Variants in TMC5 observed in about 807,000 individuals in gnomAD.
TMC5 encodes the protein transmembrane channel-like protein 5.
TMC5 carries 86 observed loss-of-function variants against 110.5 expected under a neutral mutation model. The ratio of observed to expected loss-of-function variants is 0.78; its 90% confidence interval spans 0.65 to 0.93. TMC5 has a LOEUF of 0.93. Among genes scored for constraint, TMC5 ranks in the 40% least tolerant of loss-of-function variants. The pLI is 0.00. For synonymous variants in TMC5, 455 were observed against 439.5 expected (o/e 1.04, Z -0.44); for missense variants, 1,144 against 1,222.8 (o/e 0.94, Z 0.96).
At chr16:19,443,869 A>G (rs1366668419) in intron 3 of TMC5, among the ~76,000 whole-genome samples, 1 of 151,738 alleles carries the variant, frequency 6.6e-6, no homozygotes, top group African/African-American at 2.4e-5. Context: ...GAATCAATGG[A>G]TGGATGAATG....
chr16:19,440,268 C>T lies in TMC5; in HGVS notation c.230C>T (p.Ser77Phe). The T allele has an allele frequency of 6.2e-7, 1 of 1,614,170 alleles. No individual in the cohort carries two copies. The highest frequency in any genetic ancestry group is 8.5e-7 in the Non-Finnish European group (1 of 1,180,022). ...CTGGCAGAACCAAATTATCCTAGAT[C>T]TCTGAGTAATCCAGACTATTCTGGC... is the stretch of plus-strand genomic sequence containing the variant. Reference protein sequence around the residue: ...GSLAEPNYPRSLSNPDYSGTR... With the variant: ...GSLAEPNYPRFLSNPDYSGTR... The change falls in exon 3 of 22, where the codon TCT becomes TTT. Residue 77 changes from serine (S) to phenylalanine (F), a missense_variant. Transcript: ENST00000542583.
intron 20 of TMC5, among the ~76,000 whole-genome samples, chr16:19,495,653 A>C (rs1969033513): frequency 6.6e-6 from 1 of 152,014 alleles, no homozygotes; most frequent in Non-Finnish European, 1.5e-5. Context: ...GGAGTTTAAG[A>C]CCAACATAGC....
chr16:19,446,997 C>T (rs8058400), intron 4 of TMC5, among the ~76,000 whole-genome samples: 122,184 of 151,944 alleles, frequency 0.8, 49,342 homozygotes, highest in South Asian at 0.91. Context: ...CAGTAGGTGC[C>T]TGAAAAATAT....
At chr16:19,439,739 G>A (rs1178152000) in intron 2 of TMC5, among the ~76,000 whole-genome samples, 2 of 152,286 alleles carry the variant, frequency 1.3e-5, no homozygotes, top group East Asian at 3.9e-4. Flanking sequence ...TCCTCTAACA[G>A]CACAGCTGGG....
chr16:19,462,406 T>C (rs530595188), intron 6 of TMC5: 15 of 614,254 alleles, frequency 2.4e-5, no homozygotes, highest in African/African-American at 2.0e-4. Flanking sequence ...AGGTTGAGAA[T>C]GTGTATTAGT....
intron 6 of TMC5, among the ~76,000 whole-genome samples, chr16:19,462,185 C>A (rs1033870939): frequency 5.9e-5 from 9 of 152,148 alleles, no homozygotes; most frequent in African/African-American, 1.9e-4. Context: ...GCTCCAAAGA[C>A]CTTATAGCAA....
chr16:19,419,188 C>T (rs1966922616), intron 1 of TMC5, among the ~76,000 whole-genome samples: 1 of 152,086 alleles, frequency 6.6e-6, no homozygotes, highest in Non-Finnish European at 1.5e-5. Flanking sequence ...ATAATAATAC[C>T]TCCCCATAAA....
intron 8 of TMC5, among the ~76,000 whole-genome samples, chr16:19,465,597 C>A (rs192128578): frequency 6.6e-6 from 1 of 152,226 alleles, no homozygotes; most frequent in East Asian, 1.9e-4. Flanking sequence ...TGGCTTATTG[C>A]AGAAATTGGG....
intron 5 of TMC5, among the ~76,000 whole-genome samples, chr16:19,451,143 CAAACAA>C (rs1186757478): frequency 6.6e-6 from 1 of 151,992 alleles, no homozygotes; most frequent in South Asian, 2.1e-4. Context: ...CAAAATCAAA[CAAACAA>C]AAACAAAAAA....
intron 12 of TMC5, among the ~76,000 whole-genome samples, chr16:19,475,208 G>A (rs1310184087): frequency 6.6e-6 from 1 of 152,138 alleles, no homozygotes; most frequent in Non-Finnish European, 1.5e-5. Context: ...GATCACCTGA[G>A]GTCAGGAGTT....
In TMC5 at chr16:19,469,755, G is replaced by A; in HGVS notation, c.1712G>A (p.Cys571Tyr). The A allele has an allele frequency of 6.2e-7, 1 of 1,614,200 alleles. No individual in the cohort carries two copies. Residue 571 changes from cysteine (C) to tyrosine (Y), a missense_variant, in exon 10 of 22, where the codon TGC (cysteine) becomes TAC (tyrosine). By Grantham distance (194) the Cys-to-Tyr change is radical. Transcript: ENST00000542583. ...YSGGITKLIF[C>Y]WDFTVTHEKA... Reference sequence around the variant, plus strand: ...GGAGGGATCACCAAGCTGATCTTTTGCTGGGACTTCACTGTCACTCATGAA... The same window carrying A: ...GGAGGGATCACCAAGCTGATCTTTTACTGGGACTTCACTGTCACTCATGAA...
chr16:19,479,995 A>G (rs1040280094), intron 14 of TMC5, among the ~76,000 whole-genome samples: 1 of 152,038 alleles, frequency 6.6e-6, no homozygotes, highest in Admixed American at 6.6e-5. Context: ...AAAAAAAGAA[A>G]TCTTATCCAC....
chr16:19,439,999 G>A lies in TMC5; in HGVS notation c.-40G>A. 6.7e-7 allele frequency: 1 copy of A among 1,502,628 alleles called. No homozygotes were observed. The highest frequency in any genetic ancestry group is 9.0e-7 in the Non-Finnish European group (1 of 1,106,584). The allele number at this position is 1,502,628 out of a possible 1,614,324, so 93.1% of individuals were successfully genotyped here. ...AGATCCCTGAGTAATTGCAAATGCT[G>A]GGACAGTTTACCACTCCAGGGTGAA... On this transcript the variant is annotated 5_prime_UTR_variant, in exon 3 of 22. Coordinates refer to ENST00000542583, the MANE Select transcript of TMC5 (RefSeq NM_001261841.2).
At position 19,469,820 on chromosome 16, in the gene TMC5, ATAAGGG is replaced by A; in HGVS notation, c.1782+1_1782+6del. The A allele has an allele frequency of 6.2e-7, 1 of 1,614,032 alleles. No homozygotes were observed. Among genetic ancestry groups the A allele is most frequent in the Non-Finnish European group, 8.5e-7 (1 of 1,179,908 alleles). On this transcript the variant is annotated splice_donor_variant and coding_sequence_variant, in exon 10 of 22. Coordinates refer to ENST00000542583, the MANE Select transcript of TMC5 (RefSeq NM_001261841.2). LOFTEE classifies it high-confidence loss of function. ...AAAACAGAAGAATCTTAGCACTGAG[ATAAGGG>A]TAAGGCGAGCTCACTTTACTCATTT...
rs527608652 is a variant in TMC5, at chr16:19,496,643, G to C, written c.2932-478G>C. Among the ~76,000 whole-genome samples, 267 of 152,166 alleles carry C rather than the reference G, an allele frequency of 1.8e-3. 1 individual carries two copies. The highest frequency in any genetic ancestry group is 3.3e-3 in the Non-Finnish European group (223 of 68,004). ...CTCACGCCTGTAATCCCAGCACTTT[G>C]GGAGGCCGAGGTGGACAGATCACTT... On this transcript the variant is annotated intron_variant, in intron 20 of 21. Coordinates refer to ENST00000542583, the MANE Select transcript of TMC5 (RefSeq NM_001261841.2).
chr16:19,448,661 T>C (rs1010227018), intron 4 of TMC5, among the ~76,000 whole-genome samples: 1 of 138,380 alleles, frequency 7.2e-6, no homozygotes, highest in African/African-American at 2.7e-5. Context: ...TTTTTTATAT[T>C]ATATTTTATA....
At chr16:19,495,413 G>A (rs1236541539) in intron 20 of TMC5, among the ~76,000 whole-genome samples, 1 of 152,072 alleles carries the variant, frequency 6.6e-6, no homozygotes, top group Non-Finnish European at 1.5e-5. Context: ...CAAAAGTGAG[G>A]CTATATTATA....
upstream of TMC5, among the ~76,000 whole-genome samples, chr16:19,417,440 A>G (rs2213274): frequency 0.51 from 71,850 of 141,956 alleles, 20,238 homozygotes; most frequent in South Asian, 0.71. Flanking sequence ...AAAAAAAAAA[A>G]GGAGCCAGTG....
chr16:19,490,717 TC>T, intron 18 of TMC5, 149 bp downstream of exon 18: 1 of 103,462 alleles, frequency 9.7e-6, no homozygotes, highest in Non-Finnish European at 2.7e-5. Flanking sequence ...TTTCTTTCCT[TC>T]CTTCCTTCCT....
Sources: allele counts gnomAD v4.1 joint callset (sites outside exome capture counted in the v4.1 genomes callset), GRCh38; gene constraint gnomAD v4.1.1; transcripts MANE v1.5; gene names NCBI Gene and HGNC (gene_info 2026-07-23, HGNC 2026-07-21).